Variants in NCOA4 observed in about 807,000 individuals in gnomAD.
NCOA4 encodes nuclear receptor coactivator 4.
NCOA4 carries 31 observed loss-of-function variants against 69.5 expected under a neutral mutation model. The observed-to-expected ratio is 0.45, with a 90% CI of 0.34 to 0.60. The LOEUF is 0.60. NCOA4 is among the 20% of genes least tolerant of loss of function. The pLI, the probability that NCOA4 is intolerant of heterozygous loss-of-function variation, is 0.02. For synonymous variants in NCOA4, 228 were observed against 252.4 expected, an observed-to-expected ratio of 0.90 and a Z score of 0.92; for missense variants, 600 against 719.2, an observed-to-expected ratio of 0.83 and a Z score of 1.90.
intron 9 of NCOA4, among the ~76,000 whole-genome samples, chr10:46,007,567 C>T (rs1382150297): frequency 1.4e-5 from 2 of 141,028 alleles, no homozygotes; most frequent in Non-Finnish European, 3.1e-5. Context: ...TAGGGACTAA[C>T]ACAGCCAGTG....
At position 46,014,796 on chromosome 10, in the gene NCOA4, CT is replaced by C. The variant is rs1554922672; in HGVS notation, c.371+57del. The C allele has an allele frequency of 2.5e-5, 35 of 1,410,524 alleles. 1 individual carries two copies. The South Asian group carries it at 4.1e-4, about 17-fold the overall frequency. The allele number at this position is 1,410,524 out of a possible 1,614,324, so 87.4% of individuals were successfully genotyped here. A position where few individuals can be genotyped will look rare whatever the true frequency, so the allele number is the denominator to read the frequency against. The stretch of plus-strand genomic sequence containing the variant: ...AGCAATGAGTTACAAAATCGACTTT[CT>C]TTTAGTATACCAAAGTTCAAGAGTC... On this transcript the variant is annotated intron_variant, in intron 4 of 9. Transcript: ENST00000581486.
Position 46,010,846 on chromosome 10 carries a change from C to G in NCOA4, c.1075G>C (p.Glu359Gln). 6.2e-7 allele frequency: 1 copy of G among 1,613,948 alleles called. No individual in the cohort carries two copies. The highest frequency in any genetic ancestry group is 8.5e-7 in the Non-Finnish European group (1 of 1,179,872). Residue 359 changes from glutamate (E) to glutamine (Q), a missense_variant, in exon 8 of 10, where the codon GAG becomes CAG. Coordinates refer to ENST00000581486, the MANE Select transcript of NCOA4 (RefSeq NM_001145263.2). The part of the protein sequence containing the change: ...NCQGNQPKGV[E>Q]IENLGNLKCL... ...TTCAGATTGCCCAGGTTTTCAATCT[C>G]CACACCTTTGGGCTGGTTTCCCTGA...
In NCOA4 at chr10:46,014,534, A is replaced by T. The variant is rs1554922584; in HGVS notation, c.390T>A (p.Leu130=). 3 of 1,613,230 alleles carry T rather than the reference A, an allele frequency of 1.9e-6. No homozygotes were observed. Among genetic ancestry groups the T allele is most frequent in the Admixed American group, 3.3e-5 (2 of 59,880 alleles). The change falls in exon 5 of 10, where the codon CTT becomes CTA. Residue 130 remains leucine (L), a synonymous_variant. Coordinates refer to ENST00000581486, the MANE Select transcript of NCOA4 (RefSeq NM_001145263.2). The part of the protein sequence containing the change: ...VCLERLGSLT[L]KPEDSTVLLF... The stretch of plus-strand genomic sequence containing the variant: ...GCAGGACAGTTGAATCTTCAGGCTT[A>T]AGGGTCAAACTGCCCAGTCTGGGGA...
intron 7 of NCOA4, among the ~76,000 whole-genome samples, chr10:46,012,107 A>G (rs1178472459): frequency 4.7e-5 from 7 of 148,134 alleles, no homozygotes; most frequent in East Asian, 1.9e-4. Flanking sequence ...AAAAAAACGA[A>G]AAAAGAAAAT....
Position 46,006,605 on chromosome 10 carries a change from G to T in NCOA4, c.1840-8C>A. ...TTGTCCATTCCTTCACATCTGTAAA[G>T]AGACACCCACAGATGATAAGTTACT... On this transcript the variant is annotated splice_region_variant and splice_polypyrimidine_tract_variant and intron_variant, in intron 9 of 9. Transcript: ENST00000581486. 4 of 1,614,010 alleles carry T rather than the reference G, an allele frequency of 2.5e-6. No individual in the cohort carries two copies. Among genetic ancestry groups the T allele is most frequent in the Non-Finnish European group, 3.4e-6 (4 of 1,179,878 alleles).
chr10:46,015,097 A>G (rs782678701), intron 3 of NCOA4, 29 bp downstream of exon 3: 57 of 1,613,520 alleles, frequency 3.5e-5, no homozygotes, highest in Non-Finnish European at 4.8e-5. Flanking sequence ...GCCATGCTCA[A>G]ACCAATTCTA....
chr10:46,016,798 T>A, intron 1 of NCOA4, 104 bp from the exon 2 acceptor site: 1 of 717,314 alleles, frequency 1.4e-6, no homozygotes. Flanking sequence ...CATTACTAAC[T>A]ACTTAGATTA....
chr10:46,018,384 T>C (rs1172192242), intron 1 of NCOA4, among the ~76,000 whole-genome samples: 3 of 152,232 alleles, frequency 2.0e-5, no homozygotes, highest in Non-Finnish European at 4.4e-5. Context: ...AAATTCTCTA[T>C]GAATTCGCAG....
intron 6 of NCOA4, among the ~76,000 whole-genome samples, 169 bp from the exon 7 acceptor site, chr10:46,013,195 GCTCTT>G (rs1839338308): frequency 6.6e-6 from 1 of 152,102 alleles, no homozygotes; most frequent in Non-Finnish European, 1.5e-5. Context: ...GATCTCTAGG[GCTCTT>G]CTCAACTAAA....
At chr10:46,011,323 G>C in intron 7 of NCOA4, 117 bp from the exon 8 acceptor site, 2 of 1,013,434 alleles carry the variant, frequency 2.0e-6, no homozygotes, top group South Asian at 3.3e-5. Context: ...GCTGGAGTGC[G>C]GTGGCACAAT....
intron 8 of NCOA4, 97 bp downstream of exon 8, chr10:46,010,126 C>T: frequency 2.1e-6 from 3 of 1,418,546 alleles, no homozygotes; most frequent in Non-Finnish European, 2.8e-6. Flanking sequence ...TGAGATCGCA[C>T]CACTGCACTC....
In NCOA4 at chr10:46,010,257, C is replaced by G; in HGVS notation, c.1664G>C (p.Gly555Ala). ...CTTTCGAAGCAGCCACTTGTCTTCT[C>G]CAGAAGATAACTGGCTGAGGTTGCC... is the stretch of plus-strand genomic sequence containing the variant. ...KMGNLSQLSSGEDKWLLRKKA... is the reference protein window; with the variant it reads ...KMGNLSQLSSAEDKWLLRKKA... Residue 555 changes from glycine to alanine, a missense_variant, in exon 8 of 10, where the codon GGA becomes GCA. Physicochemically the swap from Gly to Ala is moderately conservative, Grantham distance 60. Transcript: ENST00000581486. The G allele has an allele frequency of 6.2e-7, 1 of 1,612,556 alleles. No individual in the cohort carries two copies. The highest frequency in any genetic ancestry group is 2.2e-5 in the East Asian group (1 of 44,876).
chr10:46,024,955 T>C (rs1158944604), intron 1 of NCOA4, among the ~76,000 whole-genome samples: 1 of 151,898 alleles, frequency 6.6e-6, no homozygotes, highest in Non-Finnish European at 1.5e-5. Context: ...TAGACAGACA[T>C]AGATATAGAC....
At chr10:46,017,182 C>T (rs1839611565) in intron 1 of NCOA4, among the ~76,000 whole-genome samples, 1 of 152,134 alleles carries the variant, frequency 6.6e-6, no homozygotes, top group African/African-American at 2.4e-5. Context: ...TAATTTCCCC[C>T]TTTTAGGTAG....
At position 46,015,174 on chromosome 10, in the gene NCOA4, A is replaced by ATATT; in HGVS notation, c.233_234insAATA (p.Tyr78Ter). 1.2e-6 allele frequency: 2 copies of ATATT among 1,614,184 alleles called. No homozygotes were observed. Among genetic ancestry groups the ATATT allele is most frequent in the Non-Finnish European group, 1.7e-6 (2 of 1,180,032 alleles). On this transcript the variant is annotated stop_gained and frameshift_variant, in exon 3 of 10. Transcript: ENST00000581486. LOFTEE classifies it high-confidence loss of function. ...GTTGAAGTGTCTCCTCTTTAAGCTG[A>ATATT]TAAATAAGGTCCACCTGTTCATACA...
intron 1 of NCOA4, among the ~76,000 whole-genome samples, chr10:46,020,006 G>C (rs1839783420): frequency 6.6e-6 from 1 of 152,180 alleles, no homozygotes. Context: ...CAAGAAAGGA[G>C]CTATGCAAAG....
intron 1 of NCOA4, chr10:46,027,531 G>A (rs1400817032): frequency 3.4e-6 from 5 of 1,475,074 alleles, no homozygotes; most frequent in Non-Finnish European, 3.7e-6. Context: ...AGACATAACT[G>A]TATGAAAACA....
chr10:46,013,124 CA>C, intron 6 of NCOA4, 98 bp from the exon 7 acceptor site: 1 of 1,156,856 alleles, frequency 8.6e-7, no homozygotes, highest in Non-Finnish European at 1.2e-6. Flanking sequence ...TGACCCTGGG[CA>C]AATCATGTGC....
At chr10:46,009,373 G>T in intron 9 of NCOA4, 38 bp downstream of exon 9, 1 of 1,586,140 alleles carries the variant, frequency 6.3e-7, no homozygotes, top group Non-Finnish European at 8.6e-7. Flanking sequence ...TTTATAAATA[G>T]CTATAATCTA....
Sources: allele counts gnomAD v4.1 joint callset (sites outside exome capture counted in the v4.1 genomes callset), GRCh38; gene constraint gnomAD v4.1.1; transcripts MANE v1.5; gene names NCBI Gene and HGNC (gene_info 2026-07-23, HGNC 2026-07-21).